DIP2A: variants seen among roughly 807,000 people sequenced by gnomAD.
DIP2A encodes DIP2 acetate--CoA ligase A.
A neutral mutation model predicts 177.4 loss-of-function variants in DIP2A; 85 were observed. The ratio of observed to expected loss-of-function variants is 0.48; its 90% confidence interval spans 0.40 to 0.57. The LOEUF (loss-of-function observed/expected upper bound fraction) is 0.57, where lower values mean the gene tolerates loss of function less well. DIP2A is among the 20% of genes least tolerant of loss of function. The pLI is 0.00. For missense variants in DIP2A, 1,791 were observed against 2,100.2 expected (o/e 0.85, Z 2.88); for synonymous variants, 886 against 881.8 (o/e 1.00, Z -0.08).
intron 1 of DIP2A, among the ~76,000 whole-genome samples, chr21:46,460,652 T>G (rs2148199915): frequency 6.6e-6 from 1 of 152,326 alleles, no homozygotes; most frequent in Middle Eastern, 3.4e-3. Context: ...TTGCAACTAT[T>G]TTGAATTCAG....
chr21:46,526,683 C>T (rs1446440690), intron 8 of DIP2A, among the ~76,000 whole-genome samples: 1 of 152,206 alleles, frequency 6.6e-6, no homozygotes, highest in African/African-American at 2.4e-5. Context: ...GTGTGAGCCA[C>T]TGCGCCAGGC....
intron 6 of DIP2A, 129 bp from the exon 7 acceptor site, chr21:46,509,128 A>G: frequency 1.0e-6 from 1 of 996,668 alleles, no homozygotes; most frequent in Non-Finnish European, 1.4e-6. Context: ...ATGACTGTCC[A>G]GTGGGGCCCA....
At position 46,551,261 on chromosome 21, in the gene DIP2A, GT is replaced by G. The variant is rs899320730; in HGVS notation, c.2840-364del. Among the ~76,000 whole-genome samples the G allele has an allele frequency of 2.8e-4, 43 of 151,864 alleles. 1 individual carries two copies. Among genetic ancestry groups the G allele is most frequent in the Admixed American group, 2.5e-3 (38 of 15,244 alleles). On this transcript the variant is annotated intron_variant, in intron 23 of 37. Coordinates refer to ENST00000417564, the MANE Select transcript of DIP2A (RefSeq NM_015151.4). ...CTGTTGATTTTTAGTACATGCCAAA[GT>G]TTTTTTTTATTAATTATTGAACACA...
chr21:46,583,606 G>A, the DIP2A span, among the ~76,000 whole-genome samples: 37 of 152,164 alleles, frequency 2.4e-4, no homozygotes, highest in African/African-American at 4.3e-4. Context: ...TGAAGGTGTC[G>A]GGAGGTGGGA....
intron 6 of DIP2A, among the ~76,000 whole-genome samples, chr21:46,508,629 A>G (rs1320626683): frequency 6.6e-6 from 1 of 151,396 alleles, no homozygotes. Context: ...AAGTGCTGGG[A>G]TTACAGGGCC....
At chr21:46,576,907 G>A in the DIP2A span, among the ~76,000 whole-genome samples, 1 of 151,916 alleles carries the variant, frequency 6.6e-6, no homozygotes, top group Non-Finnish European at 1.5e-5. Context: ...TCATATATTT[G>A]TTGGCCGCAT....
chr21:46,526,610 G>T (rs970385565), intron 8 of DIP2A, among the ~76,000 whole-genome samples: 1 of 152,022 alleles, frequency 6.6e-6, no homozygotes, highest in African/African-American at 2.4e-5. Context: ...ACCCAGGCTG[G>T]TCTTGAACGC....
rs1555887519 is a variant in DIP2A, at chr21:46,506,768, C to CTTTCT, written c.784+2292_784+2296dup. Among the ~76,000 whole-genome samples, 237 of 63,042 alleles carry CTTTCT rather than the reference C, an allele frequency of 3.8e-3. 1 individual carries two copies. Among genetic ancestry groups the CTTTCT allele is most frequent in the South Asian group, 9.1e-3 (22 of 2,424 alleles). 41.4% of individuals were successfully genotyped at this position (63,042 alleles called of 152,430 possible). ...TCTTTCTTTCTTTCTTTCTTTCTTT[C>CTTTCT]TTTCTTTTCTTTTCTTTCTTTTCTT... On this transcript the variant is annotated intron_variant, in intron 6 of 37. Coordinates refer to ENST00000417564, the MANE Select transcript of DIP2A (RefSeq NM_015151.4).
chr21:46,472,847 GTGC>G (rs1212121532), intron 1 of DIP2A, among the ~76,000 whole-genome samples: 3 of 152,184 alleles, frequency 2.0e-5, no homozygotes, highest in Non-Finnish European at 4.4e-5. Context: ...GGCAGGAGGG[GTGC>G]TGGTACCTGT....
chr21:46,551,972 G>A (rs887372885), intron 25 of DIP2A, 68 bp downstream of exon 25: 7 of 1,490,470 alleles, frequency 4.7e-6, no homozygotes, highest in African/African-American at 1.4e-5. Context: ...TGCTTGTCTA[G>A]TTCATGGTGC....
chr21:46,468,343 C>T (rs2055036452), intron 1 of DIP2A, among the ~76,000 whole-genome samples: 1 of 150,378 alleles, frequency 6.6e-6, no homozygotes, highest in Non-Finnish European at 1.5e-5. Context: ...CAGGGAGAAC[C>T]GCTTGAACCT....
intron 10 of DIP2A, among the ~76,000 whole-genome samples, chr21:46,532,481 CT>C (rs1451412572): frequency 1.3e-5 from 2 of 152,178 alleles, no homozygotes; most frequent in Non-Finnish European, 2.9e-5. Flanking sequence ...ACACCACACT[CT>C]TATTAGGTGG....
At chr21:46,509,212 C>T (rs2058184298) in intron 6 of DIP2A, 45 bp from the exon 7 acceptor site, 1 of 1,561,618 alleles carries the variant, frequency 6.4e-7, no homozygotes, top group African/African-American at 1.4e-5. Context: ...TCCACTTCTT[C>T]AGATGTGTCC....
intron 8 of DIP2A, among the ~76,000 whole-genome samples, chr21:46,512,972 G>T (rs995211091): frequency 6.6e-6 from 1 of 151,994 alleles, no homozygotes; most frequent in Non-Finnish European, 1.5e-5. Context: ...TTATTTCTTT[G>T]TATGTTTCAG....
chr21:46,500,266 A>G (rs561011163), intron 5 of DIP2A, among the ~76,000 whole-genome samples: 2 of 152,328 alleles, frequency 1.3e-5, no homozygotes, highest in Non-Finnish European at 2.9e-5. Context: ...GGAACTGCCA[A>G]GACTACAAGG....
intron 26 of DIP2A, 130 bp downstream of exon 26, chr21:46,554,422 C>G (rs2060380930): frequency 5.8e-6 from 9 of 1,546,060 alleles, no homozygotes; most frequent in Non-Finnish European, 7.0e-6. Flanking sequence ...CTGCATGTGT[C>G]TGCCTCCTCA....
At chr21:46,520,740 T>C (rs1601643696) in intron 8 of DIP2A, among the ~76,000 whole-genome samples, 1 of 152,238 alleles carries the variant, frequency 6.6e-6, no homozygotes, top group East Asian at 1.9e-4. Flanking sequence ...TGTACTGTCA[T>C]ATCAGAGTTA....
Position 46,557,232 on chromosome 21 carries a change from T to C in DIP2A, c.3629+163T>C, listed in dbSNP as rs1014819689. ...GTGGGTTGGAGTCTGAGTCTGAAAT[T>C]GAGTGAAAATACATTTTTCATTAAA... On this transcript the variant is annotated intron_variant, in intron 30 of 37. Transcript: ENST00000417564. This position sits in a 1 kb window ranked among gnomAD's most constrained non-coding sequence, Gnocchi z 6.0. The C allele has an allele frequency of 1.6e-4, 120 of 758,126 alleles. No individual in the cohort carries two copies. Among genetic ancestry groups the C allele is most frequent in the Admixed American group, 2.9e-5 (1 of 33,996 alleles). 47.0% of individuals were successfully genotyped at this position (758,126 alleles called of 1,614,324 possible).
Position 46,498,905 on chromosome 21 carries a change from T to A in DIP2A, c.655+72T>A. ...GGAGTGTCCAGGACAGAGGAGCAGA[T>A]GGAGGGCACCTGAGCCAGGCGCCAC... On this transcript the variant is annotated intron_variant, in intron 5 of 37. Transcript: ENST00000417564. This position sits in a 1 kb window ranked among gnomAD's most constrained non-coding sequence, Gnocchi z 4.3. 1 of 1,483,704 alleles carries A rather than the reference T, an allele frequency of 6.7e-7. No homozygotes were observed. 91.9% of individuals were successfully genotyped at this position (1,483,704 alleles called of 1,614,324 possible). A position where few individuals can be genotyped will look rare whatever the true frequency, so the allele number is the denominator to read the frequency against.
Sources: allele counts gnomAD v4.1 joint callset (sites outside exome capture counted in the v4.1 genomes callset), GRCh38; gene constraint gnomAD v4.1.1; non-coding constraint Gnocchi (gnomAD v3.1); transcripts MANE v1.5; gene names NCBI Gene and HGNC (gene_info 2026-07-23, HGNC 2026-07-21).